TSTD2: variants seen among roughly 807,000 people sequenced by gnomAD.
TSTD2 encodes the protein thiosulfate sulfurtransferase like domain containing 2, also known as thiosulfate sulfurtransferase/rhodanese-like domain-containing protein 2.
In TSTD2, 37 loss-of-function variants were observed where a neutral mutation model predicts 47.9. The observed-to-expected ratio is 0.77, with a 90% CI of 0.59 to 1.02. The LOEUF (loss-of-function observed/expected upper bound fraction) is 1.02, where lower values mean the gene tolerates loss of function less well. Among genes scored for constraint, TSTD2 ranks in the 50% least tolerant of loss-of-function variants. TSTD2 has a pLI of 0.00. For missense variants in TSTD2, 586 were observed against 616.0 expected (o/e 0.95, Z 0.52); for synonymous variants, 201 against 215.9 (o/e 0.93, Z 0.61).
Position 97,600,096 on chromosome 9 carries a change from TA to T in TSTD2, c.*2372del, listed in dbSNP as rs1287488269. The T allele has an allele frequency of 9.9e-7, 1 of 1,013,162 alleles. No individual in the cohort carries two copies. The highest frequency in any genetic ancestry group is 8.8e-5 in the East Asian group (1 of 11,410). 62.8% of individuals were successfully genotyped at this position (1,013,162 alleles called of 1,614,324 possible). A position where few individuals can be genotyped will look rare whatever the true frequency, so the allele number is the denominator to read the frequency against. Reference sequence around the variant, plus strand: ...TCTTCCACATGCTTTTGAAGTATTATAAAACACTTTATTACAAATTTGTCTT... The same window carrying T: ...TCTTCCACATGCTTTTGAAGTATTATAAACACTTTATTACAAATTTGTCTT... On this transcript the variant is annotated 3_prime_UTR_variant, in exon 10 of 10. Transcript: ENST00000341170.
rs573282151 is a variant in TSTD2, at chr9:97,632,904, G to A, written c.-51+339C>T. Reference sequence around the variant, plus strand: ...GGCCGGGAGAGTGAAATTTCAGATGGCCATGGACAAAGCAGATAAGCCAGT... The same window carrying A: ...GGCCGGGAGAGTGAAATTTCAGATGACCATGGACAAAGCAGATAAGCCAGT... On this transcript the variant is annotated intron_variant, in intron 1 of 9. Coordinates refer to ENST00000341170, the MANE Select transcript of TSTD2 (RefSeq NM_139246.5). Among the ~76,000 whole-genome samples the A allele has an allele frequency of 9.0e-4, 137 of 152,302 alleles. No homozygotes were observed. The Middle Eastern group carries it at 0.014, about 15-fold the overall frequency.
intron 4 of TSTD2, among the ~76,000 whole-genome samples, chr9:97,615,904 TA>T (rs1469009098): frequency 6.6e-6 from 1 of 152,190 alleles, no homozygotes; most frequent in East Asian, 1.9e-4. Context: ...GAATTAGGGA[TA>T]CAGTGCTTGA....
intron 3 of TSTD2, among the ~76,000 whole-genome samples, chr9:97,621,168 T>C (rs1826628173): frequency 6.6e-6 from 1 of 152,246 alleles, no homozygotes. Flanking sequence ...TTATAATTTA[T>C]GCCTGTCTTT....
At chr9:97,622,802 G>T (rs932760616) in intron 3 of TSTD2, among the ~76,000 whole-genome samples, 4 of 152,254 alleles carry the variant, frequency 2.6e-5, no homozygotes, top group African/African-American at 7.2e-5. Flanking sequence ...CATGGGGCCT[G>T]TGGCCCCTTT....
At chr9:97,620,242 C>T (rs1826610910) in intron 3 of TSTD2, among the ~76,000 whole-genome samples, 1 of 152,124 alleles carries the variant, frequency 6.6e-6, no homozygotes, top group Non-Finnish European at 1.5e-5. Context: ...GGGAGTTTTC[C>T]TGTACAAGCT....
At chr9:97,605,461 G>A (rs2131305482) in intron 8 of TSTD2, 22 bp downstream of exon 8, 2 of 1,611,672 alleles carry the variant, frequency 1.2e-6, no homozygotes, top group East Asian at 2.2e-5. Context: ...CATGCCCACA[G>A]TGCCCCGGGG....
chr9:97,607,678 G>C (rs112903638), intron 6 of TSTD2, among the ~76,000 whole-genome samples: 88 of 152,254 alleles, frequency 5.8e-4, no homozygotes, highest in African/African-American at 2.0e-3. Flanking sequence ...TGAGGCAGGC[G>C]GATCACCTGA....
At chr9:97,613,695 T>G (rs1392719535) in intron 4 of TSTD2, among the ~76,000 whole-genome samples, 1 of 152,156 alleles carries the variant, frequency 6.6e-6, no homozygotes. Context: ...GATGATTTAA[T>G]TCAAGGTCCT....
At chr9:97,627,296 T>C (rs1391223619) in intron 2 of TSTD2, 102 bp downstream of exon 2, 3 of 1,472,666 alleles carry the variant, frequency 2.0e-6, no homozygotes, top group South Asian at 1.4e-5. Context: ...TGTTCCTGAC[T>C]AGACTTTACC....
At chr9:97,623,367 T>G (rs980191636) in intron 3 of TSTD2, among the ~76,000 whole-genome samples, 4 of 152,226 alleles carry the variant, frequency 2.6e-5, no homozygotes, top group African/African-American at 9.6e-5. Flanking sequence ...AACCTCTTTC[T>G]TTTGTAAATT....
intron 3 of TSTD2, among the ~76,000 whole-genome samples, chr9:97,623,022 T>C (rs1028328693): frequency 3.9e-5 from 6 of 152,210 alleles, no homozygotes; most frequent in Non-Finnish European, 8.8e-5. Context: ...GGTTTTTAAA[T>C]GTAAGGACAT....
At position 97,601,227 on chromosome 9, in the gene TSTD2, T is replaced by C. The variant is rs1826251217; in HGVS notation, c.*1242A>G. On this transcript the variant is annotated 3_prime_UTR_variant, in exon 10 of 10. Coordinates refer to ENST00000341170, the MANE Select transcript of TSTD2 (RefSeq NM_139246.5). ...CATTCTGCATCGCTGAAAACTGCAA[T>C]ATAATATTAAATCTGTTGGTCTATG... 1.6e-6 allele frequency: 2 copies of C among 1,273,016 alleles called. No homozygotes were observed. Among genetic ancestry groups the C allele is most frequent in the Admixed American group, 2.5e-5 (1 of 40,716 alleles). The allele number at this position is 1,273,016 out of a possible 1,614,324, so 78.9% of individuals were successfully genotyped here.
intron 4 of TSTD2, among the ~76,000 whole-genome samples, chr9:97,615,777 G>T (rs1232052108): frequency 2.0e-5 from 3 of 152,168 alleles, no homozygotes; most frequent in Non-Finnish European, 2.9e-5. Context: ...TTCAAACCTT[G>T]TACATTCAGG....
chr9:97,602,689 C>G lies in TSTD2; in HGVS notation c.1331G>C (p.Cys444Ser), dbSNP rs1432220545. The G allele has an allele frequency of 6.2e-7, 1 of 1,614,080 alleles. No homozygotes were observed. Among genetic ancestry groups the G allele is most frequent in the Admixed American group, 1.7e-5 (1 of 60,010 alleles). ...TPQCRQLVLTCPACQGQGFTA... is the reference protein window; with the variant it reads ...TPQCRQLVLTSPACQGQGFTA... Reference sequence around the variant, plus strand: ...GAATCCTTGTCCTTGACAGGCAGGGCAGGTCAAAACGAGCTGGCGGCACTG... The same window carrying G: ...GAATCCTTGTCCTTGACAGGCAGGGGAGGTCAAAACGAGCTGGCGGCACTG... Residue 444 changes from cysteine (C) to serine (S), a missense_variant, in exon 10 of 10, where the codon TGC (cysteine) becomes TCC (serine). By Grantham distance (112) the Cys-to-Ser change is moderately radical (BLOSUM62 -1). Transcript: ENST00000341170.
chr9:97,625,801 G>A lies in TSTD2; in HGVS notation c.362C>T (p.Thr121Ile), dbSNP rs1419434326. 6.2e-7 allele frequency: 1 copy of A among 1,614,138 alleles called. No individual in the cohort carries two copies. Among genetic ancestry groups the A allele is most frequent in the East Asian group, 2.2e-5 (1 of 44,888 alleles). The change falls in exon 3 of 10, where the codon ACC (threonine) becomes ATC (isoleucine). Residue 121 changes from threonine (T) to isoleucine (I), a missense_variant. Coordinates refer to ENST00000341170, the MANE Select transcript of TSTD2 (RefSeq NM_139246.5). ...ILKQLAVTLS[T>I]SKSLSSADEK... ...ATCTGCAGACGAAAGACTCTTTGAG[G>A]TGCTCAATGTCACAGCCAGTTGCTT...
intron 3 of TSTD2, among the ~76,000 whole-genome samples, chr9:97,623,428 C>T (rs901311614): frequency 2.0e-5 from 3 of 152,216 alleles, no homozygotes; most frequent in Admixed American, 6.5e-5. Context: ...TAATACAAAA[C>T]CCTTTTTTAA....
chr9:97,621,209 T>C (rs139737309), intron 3 of TSTD2, among the ~76,000 whole-genome samples: 58 of 152,354 alleles, frequency 3.8e-4, no homozygotes, highest in African/African-American at 1.3e-3. Context: ...ATTGTGAAGA[T>C]TTCATGGACA....
chr9:97,604,691 C>T lies in TSTD2; in HGVS notation c.1252+36G>A, dbSNP rs117823806. Reference sequence around the variant, plus strand: ...AGAATAGTGAACTGACAATGTGCTTCATTTCAGTTTGGGCTCTGAGCCTGT... The same window carrying T: ...AGAATAGTGAACTGACAATGTGCTTTATTTCAGTTTGGGCTCTGAGCCTGT... On this transcript the variant is annotated intron_variant, in intron 9 of 9. Transcript: ENST00000341170. 8.3e-3 allele frequency: 13,311 copies of T among 1,612,686 alleles called. 806 individuals carry two copies. The Admixed American group carries it at 0.11, about 13-fold the overall frequency.
chr9:97,625,463 G>C (rs1826703526), intron 3 of TSTD2, among the ~76,000 whole-genome samples: 1 of 152,174 alleles, frequency 6.6e-6, no homozygotes, highest in Non-Finnish European at 1.5e-5. Context: ...CAGGAACGAT[G>C]CATGTTTAAG....
Sources: allele counts gnomAD v4.1 joint callset (sites outside exome capture counted in the v4.1 genomes callset), GRCh38; gene constraint gnomAD v4.1.1; transcripts MANE v1.5; gene names NCBI Gene and HGNC (gene_info 2026-07-23, HGNC 2026-07-21).